Variants in POLA2 observed in about 807,000 individuals in gnomAD.
POLA2 encodes the protein DNA polymerase alpha subunit B.
In POLA2, 47 loss-of-function variants were observed where a neutral mutation model predicts 82.8. The ratio of observed to expected loss-of-function variants is 0.57; its 90% CI spans 0.45 to 0.72. The LOEUF is 0.72. POLA2 is among the 30% of genes least tolerant of loss of function. The probability of loss-of-function intolerance (pLI) is 0.00; values close to 1 mark genes in which losing one functional copy is unlikely to be tolerated. For missense variants in POLA2, 634 were observed against 728.1 expected, an observed-to-expected ratio of 0.87 and a Z score of 1.49; for synonymous variants, 287 against 286.8, an observed-to-expected ratio of 1.00 and a Z score of -0.01.
intron 5 of POLA2, among the ~76,000 whole-genome samples, chr11:65,276,689 T>C (rs1949583089): frequency 6.6e-6 from 1 of 152,126 alleles, no homozygotes; most frequent in African/African-American, 2.4e-5. Context: ...TCCGGAGCAG[T>C]AGTATTAACC....
At chr11:65,280,934 G>C in intron 7 of POLA2, 58 bp from the exon 8 acceptor site, 1 of 1,569,010 alleles carries the variant, frequency 6.4e-7, no homozygotes, top group Non-Finnish European at 8.7e-7. Context: ...ATCGACTTCA[G>C]ATTTTGAGCT....
chr11:65,282,415 C>T (rs1396392902), intron 9 of POLA2, 64 bp from the exon 10 acceptor site: 2 of 1,424,480 alleles, frequency 1.4e-6, no homozygotes, highest in Admixed American at 3.4e-5. Flanking sequence ...CTGGTGCCCT[C>T]CCCTTTCCTT....
In POLA2 at chr11:65,297,220, G is replaced by C. The variant is rs1949821035; in HGVS notation, c.1748G>C (p.Gly583Ala). 6.2e-7 allele frequency: 1 copy of C among 1,613,708 alleles called. No individual in the cohort carries two copies. Among genetic ancestry groups the C allele is most frequent in the Non-Finnish European group, 8.5e-7 (1 of 1,179,890 alleles). The change falls in exon 18 of 18, where the codon GGG becomes GCG. Residue 583 changes from glycine (G) to alanine (A), a missense_variant. Physicochemically the swap from Gly to Ala is moderately conservative, Grantham distance 60. Transcript: ENST00000265465. ...TACCTTAGGAGGCCGGCAGCGGACG[G>C]GGCAGAGAGGCAGAGCCCATGCATT... Reference protein sequence around the residue: ...RLYLRRPAADGAERQSPCIAV... With the variant: ...RLYLRRPAADAAERQSPCIAV...
At chr11:65,267,981 A>T (rs1949480001) in intron 3 of POLA2, among the ~76,000 whole-genome samples, 1 of 151,804 alleles carries the variant, frequency 6.6e-6, no homozygotes, top group Non-Finnish European at 1.5e-5. Flanking sequence ...TTTGGTAGAG[A>T]CAGGGTTTCA....
At chr11:65,285,382 A>G (rs1271537800) in intron 10 of POLA2, among the ~76,000 whole-genome samples, 1 of 151,670 alleles carries the variant, frequency 6.6e-6, no homozygotes, top group African/African-American at 2.4e-5. Flanking sequence ...CAGCCTGGCG[A>G]CAGAGCTAGA....
At chr11:65,271,667 G>A (rs1469884208) in intron 4 of POLA2, among the ~76,000 whole-genome samples, 1 of 151,050 alleles carries the variant, frequency 6.6e-6, no homozygotes, top group Non-Finnish European at 1.5e-5. Context: ...CGAGACCAGC[G>A]AAACTCCATC....
At position 65,289,882 on chromosome 11, in the gene POLA2, CA is replaced by C; in HGVS notation, c.1244+14del. 6.4e-7 allele frequency: 1 copy of C among 1,555,658 alleles called. No homozygotes were observed. The highest frequency in any genetic ancestry group is 8.9e-7 in the Non-Finnish European group (1 of 1,126,876). On this transcript the variant is annotated intron_variant, in intron 13 of 17. Coordinates refer to ENST00000265465, the MANE Select transcript of POLA2 (RefSeq NM_002689.4). ...TTGAAGGCACAAGAAGGTCAGATTT[CA>C]AAATACTGGACAGAACCTTAAGCTT...
intron 10 of POLA2, among the ~76,000 whole-genome samples, chr11:65,286,952 CCAG>C (rs1300186707): frequency 6.6e-6 from 1 of 152,100 alleles, no homozygotes; most frequent in Non-Finnish European, 1.5e-5. Flanking sequence ...CAGGAATTCC[CCAG>C]CTGTCTCATC....
In POLA2 at chr11:65,295,844, A is replaced by T. The variant is rs199587241; in HGVS notation, c.1521-20A>T. On this transcript the variant is annotated intron_variant, in intron 16 of 17. Coordinates refer to ENST00000265465, the MANE Select transcript of POLA2 (RefSeq NM_002689.4). ...GCCCCCCGGTCAGCTAGTGCTGACA[A>T]TTTCTCTCTGTCTCTGTAGCTACTA... 6.2e-7 allele frequency: 1 copy of T among 1,601,258 alleles called. No homozygotes were observed. The highest frequency in any genetic ancestry group is 8.5e-7 in the Non-Finnish European group (1 of 1,169,600).
chr11:65,269,518 A>G (rs1039085184), intron 4 of POLA2, among the ~76,000 whole-genome samples: 2 of 151,908 alleles, frequency 1.3e-5, no homozygotes, highest in Non-Finnish European at 2.9e-5. Flanking sequence ...AACAACAACT[A>G]TGTACTGCAC....
At chr11:65,303,058 G>A (rs1190007134), downstream of POLA2, among the ~76,000 whole-genome samples, 2 of 152,138 alleles carry the variant, frequency 1.3e-5, no homozygotes, top group African/African-American at 4.8e-5. Flanking sequence ...AAAAGAAGGT[G>A]GGGGCCAGGC....
chr11:65,299,129 C>G (rs867059574), downstream of POLA2, among the ~76,000 whole-genome samples: 48 of 152,338 alleles, frequency 3.2e-4, no homozygotes, highest in African/African-American at 8.7e-4. Flanking sequence ...CATCTGTCAT[C>G]CCAGGTATTC....
At position 65,294,743 on chromosome 11, in the gene POLA2, G is replaced by A. The variant is rs753499515; in HGVS notation, c.1460+91G>A. ...CAAGAAAATCAAGGGGCTGCTTAAC[G>A]GTCTTGACCAGAGAGAGCTGAAAGC... On this transcript the variant is annotated intron_variant, in intron 15 of 17. Coordinates refer to ENST00000265465, the MANE Select transcript of POLA2 (RefSeq NM_002689.4). 4.2e-5 allele frequency: 36 copies of A among 853,550 alleles called. 1 individual carries two copies. The highest frequency in any genetic ancestry group is 6.7e-4 in the Middle Eastern group (2 of 2,982). The allele number at this position is 853,550 out of a possible 1,614,324, so 52.9% of individuals were successfully genotyped here.
chr11:65,286,684 C>A lies in POLA2; in HGVS notation c.1007-1032C>A, dbSNP rs574795450. On this transcript the variant is annotated intron_variant, in intron 10 of 17. Transcript: ENST00000265465. ...GAATTACAGGCGTTGAGCCACCACA[C>A]CTGGCCAAATTCGTGTTGTTTTAAG... 1.3e-4 allele frequency among the ~76,000 whole-genome samples: 20 copies of A among 152,310 alleles called. No individual in the cohort carries two copies. In the South Asian group the frequency reaches 3.7e-3, roughly 28 times the overall value.
At chr11:65,282,444 G>A (rs376276791) in intron 9 of POLA2, 35 bp from the exon 10 acceptor site, 25 of 1,605,542 alleles carry the variant, frequency 1.6e-5, no homozygotes, top group Middle Eastern at 1.7e-4. Context: ...GATGCCTGGC[G>A]CAAGACCTTA....
chr11:65,262,135 G>T lies in POLA2; in HGVS notation c.-158G>T, dbSNP rs1340427895. The stretch of plus-strand genomic sequence containing the variant: ...TGACCGACGGCCGGGGCCTTCTGAC[G>T]GTCTGAGGTCTTGCTTGGGCCAGTC... On this transcript the variant is annotated 5_prime_UTR_variant, in exon 1 of 18. Coordinates refer to ENST00000265465, the MANE Select transcript of POLA2 (RefSeq NM_002689.4). The T allele has an allele frequency of 9.8e-6, 6 of 611,514 alleles. No homozygotes were observed. The highest frequency in any genetic ancestry group is 1.9e-5 in the African/African-American group (1 of 52,218). The allele number at this position is 611,514 out of a possible 1,614,324, so 37.9% of individuals were successfully genotyped here. A position where few individuals can be genotyped will look rare whatever the true frequency, so the allele number is the denominator to read the frequency against.
At position 65,279,530 on chromosome 11, in the gene POLA2, G is replaced by A. The variant is rs758406965; in HGVS notation, c.656-8G>A. 4 of 1,588,522 alleles carry A rather than the reference G, an allele frequency of 2.5e-6. No homozygotes were observed. In the South Asian group the frequency reaches 4.5e-5, roughly 18 times the overall value. ...ACATAATACTTTTTTCCACTTCTGGGATTGTAGTTCTGACCTGTAAGATAG... is the reference window on the plus strand; with the variant it reads ...ACATAATACTTTTTTCCACTTCTGGAATTGTAGTTCTGACCTGTAAGATAG... On this transcript the variant is annotated splice_region_variant and splice_polypyrimidine_tract_variant and intron_variant, in intron 6 of 17. Transcript: ENST00000265465.
intron 4 of POLA2, among the ~76,000 whole-genome samples, chr11:65,273,302 A>G (rs568751264): frequency 6.6e-6 from 1 of 152,336 alleles, no homozygotes; most frequent in Non-Finnish European, 1.5e-5. Flanking sequence ...ACCCTGGGCA[A>G]CCCTCCGTCT....
intron 4 of POLA2, among the ~76,000 whole-genome samples, chr11:65,269,353 G>T (rs796813197): frequency 2.6e-5 from 4 of 152,242 alleles, no homozygotes; most frequent in African/African-American, 9.6e-5. Flanking sequence ...CGGGCGTGGT[G>T]GTGGGCGCCT....
Sources: allele counts gnomAD v4.1 joint callset (sites outside exome capture counted in the v4.1 genomes callset), GRCh38; gene constraint gnomAD v4.1.1; transcripts MANE v1.5; gene names NCBI Gene and HGNC (gene_info 2026-07-23, HGNC 2026-07-21).